SLC16A7: variants seen among roughly 807,000 people sequenced by gnomAD.
SLC16A7 encodes the protein solute carrier family 16 member 7.
A neutral mutation model predicts 34.9 loss-of-function variants in SLC16A7; 33 were observed. The observed-to-expected ratio is 0.94, with a 90% confidence interval of 0.72 to 1.26. The LOEUF (loss-of-function observed/expected upper bound fraction) is 1.26, where lower values mean the gene tolerates loss of function less well. Ranked by LOEUF, SLC16A7 falls within the 50% of genes most tolerant of loss-of-function variation. The pLI is 0.00. For missense variants in SLC16A7, 573 were observed against 578.1 expected (o/e 0.99, Z 0.09); for synonymous variants, 201 against 206.6 (o/e 0.97, Z 0.23).
At chr12:59,712,824 T>C (rs1475149790) in intron 3 of SLC16A7, among the ~76,000 whole-genome samples, 1 of 152,090 alleles carries the variant, frequency 6.6e-6, no homozygotes, top group Non-Finnish European at 1.5e-5. Context: ...GTTTTTTTAA[T>C]CCCCCCTCAT....
chr12:59,698,453 T>A (rs1402551307), intron 2 of SLC16A7, among the ~76,000 whole-genome samples: 1 of 151,810 alleles, frequency 6.6e-6, no homozygotes, highest in Non-Finnish European at 1.5e-5. Context: ...CATTTTAACA[T>A]CTTTGAAATG....
At chr12:59,663,983 T>A (rs1435093859) in intron 2 of SLC16A7, among the ~76,000 whole-genome samples, 3 of 152,022 alleles carry the variant, frequency 2.0e-5, no homozygotes, top group African/African-American at 7.2e-5. Flanking sequence ...ACATAGGAAA[T>A]CAGATATTTC....
chr12:59,715,204 C>T (rs2137180732), intron 3 of SLC16A7, among the ~76,000 whole-genome samples: 1 of 152,242 alleles, frequency 6.6e-6, no homozygotes, highest in African/African-American at 2.4e-5. Flanking sequence ...ATTGCTGCTT[C>T]TAGGGGAGAT....
chr12:59,745,705 A>G (rs1878820486), intron 3 of SLC16A7, among the ~76,000 whole-genome samples: 1 of 152,222 alleles, frequency 6.6e-6, no homozygotes, highest in Non-Finnish European at 1.5e-5. Flanking sequence ...GAAGGTGTAC[A>G]TAGAGGTTAT....
chr12:59,752,562 A>C (rs1478819308), intron 3 of SLC16A7, among the ~76,000 whole-genome samples: 1 of 151,964 alleles, frequency 6.6e-6, no homozygotes, highest in Non-Finnish European at 1.5e-5. Context: ...AGAAAAAAGA[A>C]TAAAAAGAAA....
intron 1 of SLC16A7, among the ~76,000 whole-genome samples, chr12:59,608,978 T>TA (rs938730446): frequency 7.2e-5 from 11 of 152,226 alleles, no homozygotes; most frequent in Non-Finnish European, 8.8e-5. Flanking sequence ...TTTGGTCAGT[T>TA]ACTTTAAGTG....
intron 3 of SLC16A7, among the ~76,000 whole-genome samples, chr12:59,714,320 T>C (rs1035109252): frequency 6.6e-6 from 1 of 152,216 alleles, no homozygotes; most frequent in Non-Finnish European, 1.5e-5. Flanking sequence ...GATAGGCATC[T>C]ATGCTACCAT....
At chr12:59,618,242 C>T (rs769199020) in intron 1 of SLC16A7, among the ~76,000 whole-genome samples, 3 of 151,924 alleles carry the variant, frequency 2.0e-5, no homozygotes, top group Non-Finnish European at 4.4e-5. Context: ...AATCATTTTT[C>T]TCACCTTGTT....
At chr12:59,639,273 C>A (rs931753054) in intron 1 of SLC16A7, among the ~76,000 whole-genome samples, 2 of 152,076 alleles carry the variant, frequency 1.3e-5, no homozygotes, top group African/African-American at 4.8e-5. Context: ...ATAAAACAAA[C>A]ACAAAAGCAA....
At chr12:59,759,600 A>T (rs1458636517) in intron 3 of SLC16A7, among the ~76,000 whole-genome samples, 1 of 152,096 alleles carries the variant, frequency 6.6e-6, no homozygotes, top group Non-Finnish European at 1.5e-5. Flanking sequence ...TAACAGTCTT[A>T]TTAATGAATG....
In SLC16A7 at chr12:59,774,751, A is replaced by C; in HGVS notation, c.456A>C (p.Ala152=). ...KRPMANGLAM[A]GSPVFLSSLA... is the part of the protein sequence containing the mutation. ...CCATGGCAAATGGATTGGCCATGGC[A>C]GGAAGTCCTGTTTTCTTAAGTTCAT... The change falls in exon 5 of 6, where the codon GCA becomes GCC. Residue 152 remains alanine, a synonymous_variant. Transcript: ENST00000547379. The C allele has an allele frequency of 6.2e-7, 1 of 1,613,838 alleles. No homozygotes were observed. Among genetic ancestry groups the C allele is most frequent in the African/African-American group, 1.3e-5 (1 of 75,010 alleles).
chr12:59,751,517 A>T (rs1879556463), intron 3 of SLC16A7, among the ~76,000 whole-genome samples: 1 of 152,216 alleles, frequency 6.6e-6, no homozygotes, highest in Non-Finnish European at 1.5e-5. Flanking sequence ...CGGCAGTCTG[A>T]GATCAAACTG....
intron 4 of SLC16A7, among the ~76,000 whole-genome samples, chr12:59,772,332 T>C (rs1882313639): frequency 6.6e-6 from 1 of 152,208 alleles, no homozygotes; most frequent in Non-Finnish European, 1.5e-5. Context: ...CCGTCTTATA[T>C]GTAAGCATTA....
At chr12:59,749,550 C>T (rs148045041) in intron 3 of SLC16A7, among the ~76,000 whole-genome samples, 1 of 152,258 alleles carries the variant, frequency 6.6e-6, no homozygotes, top group African/African-American at 2.4e-5. Context: ...CTTTAAGGCT[C>T]ATTACACATG....
At chr12:59,608,440 A>AG (rs1482155956) in intron 1 of SLC16A7, among the ~76,000 whole-genome samples, 1 of 152,214 alleles carries the variant, frequency 6.6e-6, no homozygotes, top group Non-Finnish European at 1.5e-5. Flanking sequence ...AGTATCACTA[A>AG]GGGATATGAC....
At chr12:59,648,662 A>T (rs1233691735) in intron 1 of SLC16A7, among the ~76,000 whole-genome samples, 1 of 152,176 alleles carries the variant, frequency 6.6e-6, no homozygotes, top group Non-Finnish European at 1.5e-5. Flanking sequence ...AAGATGTATC[A>T]AGAGACTAAC....
At position 59,782,116 on chromosome 12, in the gene SLC16A7, C is replaced by G. The variant is rs1020226406; in HGVS notation, c.*2437C>G. 1 of 152,184 alleles carries G rather than the reference C, an allele frequency of 6.6e-6. No individual in the cohort carries two copies. Among genetic ancestry groups the G allele is most frequent in the African/African-American group, 2.4e-5 (1 of 41,458 alleles). The allele number at this position is 152,184 out of a possible 1,614,324, so 9.4% of individuals were successfully genotyped here. ...GTTAGAAAAGAAAGTAAAACTTGCACATTCAAAGCACATGATTTGTACAGT... is the reference window on the plus strand; with the variant it reads ...GTTAGAAAAGAAAGTAAAACTTGCAGATTCAAAGCACATGATTTGTACAGT... On this transcript the variant is annotated 3_prime_UTR_variant, in exon 6 of 6. Coordinates refer to ENST00000547379, the MANE Select transcript of SLC16A7 (RefSeq NM_001270623.2).
intron 4 of SLC16A7, among the ~76,000 whole-genome samples, chr12:59,773,705 C>T (rs1284284378): frequency 6.6e-6 from 1 of 152,084 alleles, no homozygotes; most frequent in Non-Finnish European, 1.5e-5. Flanking sequence ...GCTGGGATTA[C>T]AGGCATGTGC....
intron 3 of SLC16A7, chr12:59,720,228 A>T: frequency 1.9e-6 from 1 of 538,042 alleles, no homozygotes; most frequent in Admixed American, 3.8e-5. Context: ...TTATGTATTT[A>T]TAGTTGACTA....
Sources: gnomAD v4.1 joint callset for allele counts (sites outside exome capture counted in the v4.1 genomes callset) on GRCh38, gnomAD v4.1.1 for gene constraint, MANE v1.5 for transcripts, NCBI Gene and HGNC (gene_info 2026-07-23, HGNC 2026-07-21) for gene names.